Variants in ROBO2 observed in about 807,000 individuals in gnomAD.
ROBO2 encodes the protein roundabout guidance receptor 2, also known as roundabout homolog 2.
A neutral mutation model predicts 160.8 loss-of-function variants in ROBO2; 53 were observed. That is an observed-to-expected ratio of 0.33 (90% confidence interval 0.26 to 0.41). The LOEUF (loss-of-function observed/expected upper bound fraction) is 0.41. ROBO2 is among the 10% of genes least tolerant of loss of function. The pLI is 1.00. For missense variants in ROBO2, 1,577 were observed against 1,722.4 expected (o/e 0.92, Z 1.49); for synonymous variants, 664 against 611.7 (o/e 1.09, Z -1.26).
intron 1 of ROBO2, among the ~76,000 whole-genome samples, chr3:77,079,560 T>C (rs184084585): frequency 6.6e-6 from 1 of 152,364 alleles, no homozygotes; most frequent in East Asian, 1.9e-4. Flanking sequence ...ATGTAAGAAG[T>C]ATGGCCGTAA....
chr3:76,132,094 G>A (rs555222966), intron 2 of ROBO2, among the ~76,000 whole-genome samples: 1 of 152,118 alleles, frequency 6.6e-6, no homozygotes, highest in African/African-American at 2.4e-5. Context: ...AGGAGTCAGT[G>A]TATGGTCATA....
chr3:75,948,023 A>G (rs1948385147), intron 2 of ROBO2, among the ~76,000 whole-genome samples: 2 of 152,104 alleles, frequency 1.3e-5, no homozygotes, highest in African/African-American at 2.4e-5. Flanking sequence ...TCTAGGATGT[A>G]AGGAAGCCAA....
intron 2 of ROBO2, among the ~76,000 whole-genome samples, chr3:76,934,891 C>T (rs1433011858): frequency 6.6e-6 from 1 of 151,778 alleles, no homozygotes; most frequent in Non-Finnish European, 1.5e-5. Flanking sequence ...AAATTTAAGC[C>T]CTTTTGGCTA....
At chr3:77,208,238 G>A (rs2083666069) in intron 2 of ROBO2, among the ~76,000 whole-genome samples, 2 of 152,198 alleles carry the variant, frequency 1.3e-5, no homozygotes, top group African/African-American at 2.4e-5. Flanking sequence ...AGCTCCCTAA[G>A]AATTTAAAAG....
At chr3:76,692,208 T>C (rs2092817098) in intron 2 of ROBO2, among the ~76,000 whole-genome samples, 1 of 152,132 alleles carries the variant, frequency 6.6e-6, no homozygotes, top group African/African-American at 2.4e-5. Context: ...CAGCAGGTGC[T>C]TGAGGTCACT....
Position 76,882,602 on chromosome 3 carries a change from A to G in ROBO2, c.110-215412A>G, listed in dbSNP as rs761435673. ...TGTGTTTCTTAGCATACTCAACAAAAAATACTCCCAAGTAACTAAAAATAA... is the reference window on the plus strand; with the variant it reads ...TGTGTTTCTTAGCATACTCAACAAAGAATACTCCCAAGTAACTAAAAATAA... On this transcript the variant is annotated intron_variant, in intron 2 of 26. Transcript: ENST00000487694. Among the ~76,000 whole-genome samples, 33 of 152,146 alleles carry G rather than the reference A, an allele frequency of 2.2e-4. 1 individual carries two copies. Among genetic ancestry groups the G allele is most frequent in the Admixed American group, 8.5e-4 (13 of 15,270 alleles).
intron 2 of ROBO2, among the ~76,000 whole-genome samples, chr3:76,561,346 T>C (rs891753349): frequency 1.3e-5 from 2 of 152,094 alleles, no homozygotes; most frequent in African/African-American, 4.8e-5. Context: ...AATTAGAGAA[T>C]ACTAACAATG....
At position 77,276,719 on chromosome 3, in the gene ROBO2, G is replaced by A. The variant is rs115248938; in HGVS notation, c.388+178379G>A. 5.6e-3 allele frequency among the ~76,000 whole-genome samples: 850 copies of A among 152,242 alleles called. 5 individuals are homozygous for A. The highest frequency in any genetic ancestry group is 0.012 in the South Asian group (59 of 4,824). ...CTGGGCAACTGGAGTCTGTTCTCAC[G>A]TGGCTAATAAAAACATACCCAAGAT... On this transcript the variant is annotated intron_variant, in intron 2 of 25. Transcript: ENST00000461745.
intron 2 of ROBO2, among the ~76,000 whole-genome samples, chr3:77,279,295 T>C (rs895297659): frequency 1.3e-5 from 2 of 152,104 alleles, no homozygotes; most frequent in African/African-American, 4.8e-5. Context: ...CAGTGTACCT[T>C]TTCTTTTGAA....
intron 17 of ROBO2, among the ~76,000 whole-genome samples, chr3:77,591,349 A>G (rs73114586): frequency 2.1e-4 from 32 of 152,288 alleles, no homozygotes; most frequent in Non-Finnish European, 3.2e-4. Context: ...GACCTACTAA[A>G]GATAGGCACT....
At chr3:76,601,072 T>C (rs2087104552) in intron 2 of ROBO2, among the ~76,000 whole-genome samples, 1 of 152,192 alleles carries the variant, frequency 6.6e-6, no homozygotes, top group East Asian at 1.9e-4. Flanking sequence ...TAAAGCTCCA[T>C]AATGATCTCC....
intron 2 of ROBO2, among the ~76,000 whole-genome samples, chr3:76,486,943 G>C (rs774526505): frequency 6.6e-6 from 1 of 151,940 alleles, no homozygotes; most frequent in Admixed American, 6.6e-5. Context: ...AGAACTTTTG[G>C]AATACCCAAG....
intron 2 of ROBO2, among the ~76,000 whole-genome samples, chr3:76,771,403 T>C (rs1476619444): frequency 6.6e-6 from 1 of 151,334 alleles, no homozygotes; most frequent in Non-Finnish European, 1.5e-5. Context: ...GATACTTATT[T>C]TGAACAGCAC....
chr3:77,321,455 T>A (rs1485642686), intron 2 of ROBO2, among the ~76,000 whole-genome samples: 1 of 152,018 alleles, frequency 6.6e-6, no homozygotes, highest in East Asian at 1.9e-4. Context: ...AGTTCGAAGC[T>A]GCAGTGAGCT....
intron 7 of ROBO2, 94 bp from the exon 9 acceptor site, chr3:77,550,724 T>A: frequency 7.7e-7 from 1 of 1,296,198 alleles, no homozygotes; most frequent in Admixed American, 1.8e-5. Flanking sequence ...GTATTTTCTT[T>A]TTCCCACTGT....
rs573321520 is a variant in ROBO2, at chr3:76,271,904, C to G, written c.109+334302C>G. Among the ~76,000 whole-genome samples, 5 of 152,166 alleles carry G rather than the reference C, an allele frequency of 3.3e-5. No homozygotes were observed. The South Asian group carries it at 6.2e-4, about 19-fold the overall frequency. ...CAAACTTGCTTGTCTCCAGAGACAA[C>G]TCTGTGTACAAAACCCATCAGAATA... On this transcript the variant is annotated intron_variant, in intron 2 of 26. Coordinates refer to the ROBO2 transcript ENST00000487694.
intron 17 of ROBO2, among the ~76,000 whole-genome samples, chr3:77,589,410 CA>C (rs2094130247): frequency 1.3e-5 from 2 of 151,870 alleles, no homozygotes; most frequent in Non-Finnish European, 2.9e-5. Flanking sequence ...TACTGACAAG[CA>C]AAAATCTCAC....
chr3:76,620,413 C>T (rs746330208), intron 2 of ROBO2, among the ~76,000 whole-genome samples: 29 of 152,032 alleles, frequency 1.9e-4, no homozygotes, highest in South Asian at 6.2e-4. Context: ...AAAGGTTTAT[C>T]GTGGAGCAAA....
intron 2 of ROBO2, among the ~76,000 whole-genome samples, chr3:76,311,625 GC>G (rs2071593577): frequency 6.6e-6 from 1 of 152,172 alleles, no homozygotes; most frequent in Non-Finnish European, 1.5e-5. Flanking sequence ...GGTTTTCTGG[GC>G]TTTCAAAGCA....
Sources: gnomAD v4.1 joint callset for allele counts (sites outside exome capture counted in the v4.1 genomes callset) on GRCh38, gnomAD v4.1.1 for gene constraint, MANE v1.5 for transcripts, NCBI Gene and HGNC (gene_info 2026-07-23, HGNC 2026-07-21) for gene names.